The following ABCD3 variants were observed in gnomAD, a reference collection of about 807,000 sequenced individuals.
ABCD3 encodes the protein ATP binding cassette subfamily D member 3, also known as ATP-binding cassette sub-family D member 3.
Under a neutral mutation model 105.5 loss-of-function variants are expected in ABCD3, and 41 were observed. That is an observed-to-expected ratio of 0.39 (90% CI 0.30 to 0.50). The LOEUF is 0.50. ABCD3 is among the 20% of genes least tolerant of loss of function. The pLI is 0.84. For missense variants in ABCD3, 622 were observed against 806.3 expected (o/e 0.77, Z 2.77); for synonymous variants, 258 against 269.0 (o/e 0.96, Z 0.40).
the ABCD3 span, among the ~76,000 whole-genome samples, chr1:94,403,726 C>G: frequency 6.6e-6 from 1 of 152,242 alleles, no homozygotes; most frequent in Middle Eastern, 3.4e-3. Context: ...GGAGCCTTTT[C>G]AAGATGACTC....
chr1:94,493,330 A>G lies in ABCD3; in HGVS notation c.1386+2083A>G, dbSNP rs1024441107. 1.1e-4 allele frequency among the ~76,000 whole-genome samples: 16 copies of G among 151,732 alleles called. No homozygotes were observed. The South Asian group carries it at 3.1e-3, about 30-fold the overall frequency. ...AAGAAGACATTTATGCAGCCAAAAA[A>G]CACATGAAACAATGCTCACCATCAC... On this transcript the variant is annotated intron_variant, in intron 16 of 22. Coordinates refer to ENST00000370214, the MANE Select transcript of ABCD3 (RefSeq NM_002858.4).
intron 3 of ABCD3, 60 bp downstream of exon 3, chr1:94,464,933 A>C: frequency 7.5e-7 from 1 of 1,333,922 alleles, no homozygotes; most frequent in South Asian, 1.2e-5. Context: ...AAAATACCTG[A>C]GGCTGGGTAA....
At chr1:94,449,785 C>CA (rs1660504089) in intron 1 of ABCD3, among the ~76,000 whole-genome samples, 1 of 152,156 alleles carries the variant, frequency 6.6e-6, no homozygotes, top group South Asian at 2.1e-4. Context: ...CACTTATGTT[C>CA]AGCTGGTCTG....
chr1:94,478,576 C>T (rs751748173), intron 8 of ABCD3: 14 of 1,577,194 alleles, frequency 8.9e-6, no homozygotes, highest in African/African-American at 2.7e-5. Flanking sequence ...ATTGGCCAGG[C>T]GTGGTGGCTC....
chr1:94,405,777 AT>A, the ABCD3 span, among the ~76,000 whole-genome samples: 3 of 151,644 alleles, frequency 2.0e-5, no homozygotes, highest in South Asian at 4.2e-4. Flanking sequence ...TTTCTGTAGG[AT>A]TTTTGGTCTT....
At chr1:94,421,061 T>C (rs962556906) in intron 1 of ABCD3, among the ~76,000 whole-genome samples, 1 of 152,146 alleles carries the variant, frequency 6.6e-6, no homozygotes, top group Non-Finnish European at 1.5e-5. Flanking sequence ...TTAAATCTCA[T>C]ATATATGTGT....
chr1:94,439,660 A>G (rs1470738727), intron 1 of ABCD3, among the ~76,000 whole-genome samples: 1 of 152,136 alleles, frequency 6.6e-6, no homozygotes, highest in Non-Finnish European at 1.5e-5. Flanking sequence ...TTGTTTGAAT[A>G]TATGAAATTG....
intron 1 of ABCD3, among the ~76,000 whole-genome samples, chr1:94,424,605 C>G (rs1291792365): frequency 6.6e-6 from 1 of 151,886 alleles, no homozygotes; most frequent in African/African-American, 2.4e-5. Context: ...TTTGTAGAGA[C>G]AAGGTCACGT....
At chr1:94,493,393 A>C (rs1223739040) in intron 16 of ABCD3, among the ~76,000 whole-genome samples, 1 of 151,632 alleles carries the variant, frequency 6.6e-6, no homozygotes, top group Non-Finnish European at 1.5e-5. Context: ...CCACAGTGAG[A>C]TAACATCTCA....
the ABCD3 span, among the ~76,000 whole-genome samples, chr1:94,409,998 A>G: frequency 6.6e-6 from 1 of 152,242 alleles, no homozygotes; most frequent in African/African-American, 2.4e-5. Flanking sequence ...GACTGGATAT[A>G]CAGATGGACT....
intron 20 of ABCD3, among the ~76,000 whole-genome samples, chr1:94,502,487 T>TG: frequency 7.3e-6 from 1 of 136,082 alleles, no homozygotes. Context: ...GAACTGGGAA[T>TG]GCCCCCCTAG....
At chr1:94,504,013 A>G (rs1448232369) in intron 20 of ABCD3, among the ~76,000 whole-genome samples, 1 of 150,708 alleles carries the variant, frequency 6.6e-6, no homozygotes, top group Non-Finnish European at 1.5e-5. Context: ...CCTGGGTTCA[A>G]GCGATTCTCC....
At chr1:94,403,235 T>C in the ABCD3 span, among the ~76,000 whole-genome samples, 35 of 152,290 alleles carry the variant, frequency 2.3e-4, no homozygotes, top group Non-Finnish European at 2.6e-4. Flanking sequence ...AGATTCATAT[T>C]ATGCATTCTA....
At chr1:94,485,780 G>A (rs1649248833) in intron 10 of ABCD3, among the ~76,000 whole-genome samples, 1 of 152,144 alleles carries the variant, frequency 6.6e-6, no homozygotes, top group Admixed American at 6.6e-5. Flanking sequence ...AAGAAATTGT[G>A]TCTGTACTTA....
At chr1:94,496,348 T>G (rs1438398581) in intron 16 of ABCD3, among the ~76,000 whole-genome samples, 2 of 152,208 alleles carry the variant, frequency 1.3e-5, no homozygotes, top group Non-Finnish European at 2.9e-5. Context: ...GCATTTGTCC[T>G]TTTGTGGCTG....
At chr1:94,396,788 T>A in the ABCD3 span, among the ~76,000 whole-genome samples, 2 of 152,152 alleles carry the variant, frequency 1.3e-5, no homozygotes, top group East Asian at 3.8e-4. Context: ...TGGATGGGAA[T>A]GAAATGGTTC....
In ABCD3 at chr1:94,502,260, A is replaced by G. The variant is rs576120857; in HGVS notation, c.1740+2646A>G. Among the ~76,000 whole-genome samples, 49 of 152,272 alleles carry G rather than the reference A, an allele frequency of 3.2e-4. 1 individual carries two copies. Among genetic ancestry groups the G allele is most frequent in the Middle Eastern group, 3.4e-3 (1 of 294 alleles). On this transcript the variant is annotated intron_variant, in intron 20 of 22. Coordinates refer to ENST00000370214, the MANE Select transcript of ABCD3 (RefSeq NM_002858.4). ...TATCCTTCTCTCATTTTTCATGACA[A>G]TCATTTTAAAACTACCAATTTTGGG...
intron 1 of ABCD3, among the ~76,000 whole-genome samples, chr1:94,445,386 C>T (rs1316401233): frequency 2.6e-5 from 4 of 152,102 alleles, no homozygotes; most frequent in South Asian, 2.1e-4. Flanking sequence ...GGAGGACACC[C>T]GGGTACTCTA....
intron 13 of ABCD3, among the ~76,000 whole-genome samples, chr1:94,488,626 C>T (rs1649382006): frequency 6.6e-6 from 1 of 152,002 alleles, no homozygotes; most frequent in Non-Finnish European, 1.5e-5. Context: ...GATCCATCTT[C>T]ATATTTCTCT....
Sources: allele counts gnomAD v4.1 joint callset (sites outside exome capture counted in the v4.1 genomes callset), GRCh38; gene constraint gnomAD v4.1.1; transcripts MANE v1.5; gene names NCBI Gene and HGNC (gene_info 2026-07-23, HGNC 2026-07-21).